Variants in RGS6 observed in about 807,000 individuals in gnomAD.
RGS6 encodes regulator of G-protein signaling 6.
A neutral mutation model predicts 78.5 loss-of-function variants in RGS6; 30 were observed. The observed-to-expected ratio is 0.38, with a 90% CI of 0.29 to 0.52. RGS6 has a LOEUF of 0.52. Among genes scored for constraint, RGS6 ranks in the 20% least tolerant of loss-of-function variants. RGS6 has a pLI of 0.85. For missense variants in RGS6, 495 were observed against 609.7 expected, an observed-to-expected ratio of 0.81 and a Z score of 1.98; for synonymous variants, 206 against 206.0, an observed-to-expected ratio of 1.00 and a Z score of 0.00.
intron 3 of RGS6, among the ~76,000 whole-genome samples, chr14:72,423,175 T>C (rs74628351): frequency 0.011 from 1,671 of 152,160 alleles, 33 homozygotes; most frequent in African/African-American, 0.039. Flanking sequence ...GAATATGAGA[T>C]GGAAAAGAAT....
At chr14:72,348,510 G>A (rs1254178181) in intron 2 of RGS6, among the ~76,000 whole-genome samples, 3 of 152,242 alleles carry the variant, frequency 2.0e-5, no homozygotes, top group Non-Finnish European at 2.9e-5. Context: ...GTACTCTTGG[G>A]ACTTCTCCAG....
chr14:72,041,428 AT>A (rs771467638), intron 2 of RGS6, among the ~76,000 whole-genome samples: 1 of 152,242 alleles, frequency 6.6e-6, no homozygotes, highest in African/African-American at 2.4e-5. Flanking sequence ...GCAAGAAAAC[AT>A]CAAGTTCTTT....
chr14:71,993,697 C>T (rs2095067941), intron 2 of RGS6, among the ~76,000 whole-genome samples: 1 of 152,032 alleles, frequency 6.6e-6, no homozygotes, highest in African/African-American at 2.4e-5. Flanking sequence ...ATACTGAATT[C>T]AACAGTGGTA....
chr14:72,106,740 A>G (rs571649199), intron 2 of RGS6, among the ~76,000 whole-genome samples: 1 of 152,236 alleles, frequency 6.6e-6, no homozygotes, highest in Non-Finnish European at 1.5e-5. Flanking sequence ...CATACAGTGT[A>G]TCTGATGAAG....
the RGS6 span, among the ~76,000 whole-genome samples, chr14:71,921,260 A>G: frequency 6.6e-6 from 1 of 152,248 alleles, no homozygotes; most frequent in Non-Finnish European, 1.5e-5. Flanking sequence ...AGTAATGTAA[A>G]TTAGTAAAGC....
intron 2 of RGS6, among the ~76,000 whole-genome samples, chr14:72,184,405 C>T (rs2097212233): frequency 1.3e-5 from 2 of 148,368 alleles, no homozygotes; most frequent in Non-Finnish European, 1.5e-5. Flanking sequence ...CACACACACA[C>T]ACACACAGAA....
chr14:72,328,104 A>G (rs1260819588), intron 2 of RGS6, among the ~76,000 whole-genome samples: 1 of 152,156 alleles, frequency 6.6e-6, no homozygotes, highest in Non-Finnish European at 1.5e-5. Flanking sequence ...TGGATGTCCC[A>G]GGTCAAGGGA....
the RGS6 span, among the ~76,000 whole-genome samples, chr14:71,898,923 GT>G: frequency 6.6e-6 from 1 of 152,140 alleles, no homozygotes; most frequent in Non-Finnish European, 1.5e-5. Context: ...ACTTTTATAA[GT>G]TAGAATATAT....
At chr14:72,200,643 A>G (rs935782802) in intron 2 of RGS6, among the ~76,000 whole-genome samples, 1 of 152,058 alleles carries the variant, frequency 6.6e-6, no homozygotes, top group Non-Finnish European at 1.5e-5. Context: ...CAGTGACTGC[A>G]CGGCTCATTG....
At chr14:71,975,145 C>T (rs544437573) in intron 2 of RGS6, among the ~76,000 whole-genome samples, 4 of 152,192 alleles carry the variant, frequency 2.6e-5, no homozygotes, top group Non-Finnish European at 4.4e-5. Context: ...CAGAGTGAGG[C>T]ATGGTTTCAA....
At chr14:72,078,763 C>G (rs2094695436) in intron 2 of RGS6, among the ~76,000 whole-genome samples, 1 of 152,138 alleles carries the variant, frequency 6.6e-6, no homozygotes, top group Non-Finnish European at 1.5e-5. Flanking sequence ...TACACCTAGC[C>G]TGATGTTACA....
chr14:71,968,820 CT>C, intron 2 of RGS6, among the ~76,000 whole-genome samples: 1 of 152,276 alleles, frequency 6.6e-6, no homozygotes, highest in Non-Finnish European at 1.5e-5. Context: ...TAATGTCTCA[CT>C]TTTTTATTGA....
intron 2 of RGS6, among the ~76,000 whole-genome samples, chr14:72,239,871 G>C (rs1333922130): frequency 6.6e-6 from 1 of 152,180 alleles, no homozygotes; most frequent in Non-Finnish European, 1.5e-5. Context: ...TGCAGATTCA[G>C]ATGGGAGAGT....
intron 1 of RGS6, among the ~76,000 whole-genome samples, chr14:71,944,970 T>C (rs1439700251): frequency 1.3e-5 from 2 of 152,214 alleles, no homozygotes; most frequent in East Asian, 1.9e-4. Context: ...TACTTAAATA[T>C]ATCTAAACAT....
the RGS6 span, among the ~76,000 whole-genome samples, chr14:72,579,899 A>G: frequency 2.6e-5 from 4 of 152,226 alleles, no homozygotes; most frequent in Non-Finnish European, 5.9e-5. Flanking sequence ...TTCAAAGAAT[A>G]GGTGGATGGG....
chr14:72,388,290 G>T (rs2088893890), intron 3 of RGS6, among the ~76,000 whole-genome samples: 1 of 152,150 alleles, frequency 6.6e-6, no homozygotes, highest in South Asian at 2.1e-4. Context: ...ACACATATGT[G>T]TGTGCATATT....
the RGS6 span, among the ~76,000 whole-genome samples, chr14:72,621,445 C>A: frequency 6.6e-6 from 1 of 152,156 alleles, no homozygotes; most frequent in South Asian, 2.1e-4. Context: ...CACCTTGGCC[C>A]CCACCAGTGC....
At chr14:72,421,981 G>A (rs1415243865) in intron 3 of RGS6, among the ~76,000 whole-genome samples, 6 of 152,196 alleles carry the variant, frequency 3.9e-5, no homozygotes, top group Admixed American at 2.0e-4. Flanking sequence ...TGTTGTGGGA[G>A]GGACCTGGTG....
intron 2 of RGS6, among the ~76,000 whole-genome samples, chr14:72,103,315 T>C (rs1468970404): frequency 6.6e-6 from 1 of 152,206 alleles, no homozygotes; most frequent in East Asian, 1.9e-4. Context: ...TAAGTATCAC[T>C]TAGGAAGAAA....
Sources: allele counts gnomAD v4.1 joint callset (sites outside exome capture counted in the v4.1 genomes callset), GRCh38; gene constraint gnomAD v4.1.1; transcripts MANE v1.5; gene names NCBI Gene and HGNC (gene_info 2026-07-23, HGNC 2026-07-21).